Variants in PRKG1 observed in about 807,000 individuals in gnomAD.
PRKG1 encodes cGMP-dependent protein kinase 1.
Under a neutral mutation model 88.1 loss-of-function variants are expected in PRKG1, and 35 were observed. The observed-to-expected ratio is 0.40, with a 90% confidence interval of 0.30 to 0.53. PRKG1 has a LOEUF of 0.53. Among genes scored for constraint, PRKG1 ranks in the 20% least tolerant of loss-of-function variants. The pLI, the probability that PRKG1 is intolerant of heterozygous loss-of-function variation, is 0.59. For synonymous variants in PRKG1, 303 were observed against 292.5 expected (o/e 1.04, Z -0.37); for missense variants, 540 against 839.8 (o/e 0.64, Z 4.41).
intron 3 of PRKG1, among the ~76,000 whole-genome samples, chr10:51,521,307 C>T (rs1564533237): frequency 2.6e-5 from 4 of 152,064 alleles, no homozygotes. Context: ...CAAAAAACTA[C>T]AGTGCCTAGA....
chr10:51,867,238 A>G (rs6480524), intron 4 of PRKG1, among the ~76,000 whole-genome samples: 43,148 of 152,096 alleles, frequency 0.28, 6,667 homozygotes, highest in African/African-American at 0.4. Context: ...CTATAAAGGC[A>G]GGTGGAAGTA....
intron 1 of PRKG1, among the ~76,000 whole-genome samples, chr10:51,064,790 G>A (rs1452136522): frequency 6.6e-6 from 1 of 151,826 alleles, no homozygotes; most frequent in Admixed American, 6.6e-5. Flanking sequence ...TATAATTATT[G>A]CTAATTCCCA....
intron 2 of PRKG1, among the ~76,000 whole-genome samples, chr10:51,410,343 G>A (rs1439404254): frequency 6.6e-6 from 1 of 150,852 alleles, no homozygotes; most frequent in Non-Finnish European, 1.5e-5. Flanking sequence ...TCCCACAATA[G>A]GCCATCTACA....
rs1564610047 is a variant in PRKG1 at position 51,695,294 on chromosome 10, G to C, written c.593-109291G>C. 2.0e-5 allele frequency among the ~76,000 whole-genome samples: 3 copies of C among 152,052 alleles called. 1 individual carries two copies. Among genetic ancestry groups the C allele is most frequent in the East Asian group, 3.9e-4 (2 of 5,186 alleles). ...TGTTGCTTATACCAACCACAAAATG[G>C]CCCATCTTTATAGTTATTTCAACTG... is the stretch of plus-strand genomic sequence containing the variant. On this transcript the variant is annotated intron_variant, in intron 3 of 17. Transcript: ENST00000373980.
intron 3 of PRKG1, among the ~76,000 whole-genome samples, chr10:51,756,803 A>G (rs940144958): frequency 5.9e-5 from 9 of 152,090 alleles, no homozygotes; most frequent in Non-Finnish European, 1.2e-4. Context: ...TGACAGTGCG[A>G]AACTCCATCT....
chr10:51,417,761 T>C (rs1838284470), intron 2 of PRKG1, among the ~76,000 whole-genome samples: 1 of 152,344 alleles, frequency 6.6e-6, no homozygotes, highest in Middle Eastern at 3.4e-3. Context: ...AATTAAGTTA[T>C]ATTTGTATTC....
chr10:52,288,421 T>C (rs1195116396), intron 14 of PRKG1, among the ~76,000 whole-genome samples: 3 of 151,944 alleles, frequency 2.0e-5, no homozygotes, highest in African/African-American at 4.8e-5. Flanking sequence ...TCAGTAAGTG[T>C]GGAAAAGGTC....
At chr10:51,649,928 G>A (rs1005246541) in intron 3 of PRKG1, among the ~76,000 whole-genome samples, 10 of 152,126 alleles carry the variant, frequency 6.6e-5, no homozygotes, top group African/African-American at 2.4e-4. Context: ...CATCTGATTG[G>A]TTGCAAAACA....
chr10:51,258,720 CA>C (rs1652972704), intron 2 of PRKG1, among the ~76,000 whole-genome samples: 2 of 152,220 alleles, frequency 1.3e-5, no homozygotes, highest in Admixed American at 6.5e-5. Context: ...CCATTACTGG[CA>C]TATAGTAAGT....
chr10:52,233,195 AAAG>A (rs1020809993), intron 9 of PRKG1, among the ~76,000 whole-genome samples: 9 of 151,880 alleles, frequency 5.9e-5, no homozygotes, highest in Admixed American at 1.3e-4. Flanking sequence ...AAAAAAAAAA[AAAG>A]AGAGAGAGAG....
intron 2 of PRKG1, among the ~76,000 whole-genome samples, chr10:51,392,965 C>T (rs547641776): frequency 2.0e-5 from 3 of 146,828 alleles, no homozygotes; most frequent in South Asian, 2.1e-4. Context: ...GGGCTGACCC[C>T]CCACCTCCCT....
intron 3 of PRKG1, among the ~76,000 whole-genome samples, chr10:51,582,641 T>C (rs986097104): frequency 2.0e-5 from 3 of 151,538 alleles, no homozygotes; most frequent in Middle Eastern, 3.2e-3. Context: ...ATCTCATTCC[T>C]TTTTATGGCT....
chr10:52,051,492 C>T (rs1046566466), intron 5 of PRKG1, among the ~76,000 whole-genome samples: 3 of 152,156 alleles, frequency 2.0e-5, no homozygotes, highest in Non-Finnish European at 2.9e-5. Context: ...TACAGGAAAG[C>T]ATTCTGCAAG....
At chr10:51,250,800 A>C (rs1472959918) in intron 2 of PRKG1, among the ~76,000 whole-genome samples, 1 of 151,722 alleles carries the variant, frequency 6.6e-6, no homozygotes, top group Non-Finnish European at 1.5e-5. Flanking sequence ...GATAGTTGTA[A>C]AAGGAGGAGG....
chr10:51,669,227 G>C (rs1268810434), intron 3 of PRKG1, among the ~76,000 whole-genome samples: 1 of 152,180 alleles, frequency 6.6e-6, no homozygotes, highest in Non-Finnish European at 1.5e-5. Flanking sequence ...AGGGCTGGAA[G>C]TCTGAGATCA....
At chr10:52,258,495 T>C (rs1225538703) in intron 10 of PRKG1, among the ~76,000 whole-genome samples, 1 of 151,602 alleles carries the variant, frequency 6.6e-6, no homozygotes, top group South Asian at 2.1e-4. Context: ...TGAGACATGA[T>C]CCACATTTTA....
chr10:51,834,484 T>C (rs1193989177), intron 4 of PRKG1, among the ~76,000 whole-genome samples: 1 of 151,704 alleles, frequency 6.6e-6, no homozygotes, highest in Admixed American at 6.6e-5. Flanking sequence ...CTACAATATA[T>C]ACAAAAATTA....
rs1322487313 is a variant in PRKG1 at position 52,178,150 on chromosome 10, CT to C, written c.1076+16189del. The stretch of plus-strand genomic sequence containing the variant: ...GGCATTTCTTGCCATCAACTTGCTT[CT>C]TAAGAATGCTTTGCTGTGTCCCATA... On this transcript the variant is annotated intron_variant, in intron 9 of 17. Transcript: ENST00000373980. Among the ~76,000 whole-genome samples, 3 of 152,030 alleles carry C rather than the reference CT, an allele frequency of 2.0e-5. No individual in the cohort carries two copies. In the East Asian group the frequency reaches 5.8e-4, roughly 29 times the overall value.
chr10:51,922,490 T>G (rs1267317333), intron 5 of PRKG1, among the ~76,000 whole-genome samples: 1 of 151,858 alleles, frequency 6.6e-6, no homozygotes, highest in African/African-American at 2.4e-5. Flanking sequence ...CAGCTTAGAT[T>G]ATTTATTTTT....
Sources: allele counts gnomAD v4.1 joint callset (sites outside exome capture counted in the v4.1 genomes callset), GRCh38; gene constraint gnomAD v4.1.1; transcripts MANE v1.5; gene names NCBI Gene and HGNC (gene_info 2026-07-23, HGNC 2026-07-21).